The following SCAPER variants were observed in gnomAD, a reference collection of about 807,000 sequenced individuals.
SCAPER encodes S-phase cyclin A associated protein in the ER, also known as S phase cyclin A-associated protein in the endoplasmic reticulum.
Under a neutral mutation model 182.2 loss-of-function variants are expected in SCAPER, and 98 were observed. The observed-to-expected ratio is 0.54, with a 90% CI of 0.46 to 0.64. The LOEUF is 0.64. Ranked by LOEUF, SCAPER falls within the 30% of genes least tolerant of loss-of-function variation. The pLI, the probability that SCAPER is intolerant of heterozygous loss-of-function variation, is 0.00. For synonymous variants in SCAPER, 605 were observed against 564.6 expected, an observed-to-expected ratio of 1.07 and a Z score of -1.01; for missense variants, 1,432 against 1,690.0, an observed-to-expected ratio of 0.85 and a Z score of 2.68.
intron 25 of SCAPER, among the ~76,000 whole-genome samples, chr15:76,439,188 C>T: frequency 6.6e-6 from 1 of 151,962 alleles, no homozygotes; most frequent in East Asian, 1.9e-4. Flanking sequence ...CCAGTTCAAG[C>T]AATTCTCATG....
chr15:76,377,282 C>T (rs2042637397), intron 28 of SCAPER, among the ~76,000 whole-genome samples: 1 of 152,050 alleles, frequency 6.6e-6, no homozygotes, highest in Admixed American at 6.6e-5. Flanking sequence ...TTAAGAGTGC[C>T]TTTTGTCTGT....
intron 8 of SCAPER, among the ~76,000 whole-genome samples, chr15:76,789,119 AAAT>A (rs1409426530): frequency 6.6e-6 from 1 of 152,176 alleles, no homozygotes; most frequent in African/African-American, 2.4e-5. Context: ...TGAAACTGAA[AAAT>A]AATGCCTTAA....
At chr15:76,653,488 A>G (rs921979710) in intron 21 of SCAPER, among the ~76,000 whole-genome samples, 7 of 152,252 alleles carry the variant, frequency 4.6e-5, no homozygotes, top group African/African-American at 1.7e-4. Context: ...AGTAAACAAA[A>G]TAACTTGGTA....
chr15:76,429,664 A>G (rs1393123828), intron 26 of SCAPER, among the ~76,000 whole-genome samples: 1 of 152,140 alleles, frequency 6.6e-6, no homozygotes, highest in East Asian at 1.9e-4. Context: ...TCTAAGCAGC[A>G]AAGCATTCAA....
chr15:76,358,982 T>G (rs957813390), intron 29 of SCAPER, among the ~76,000 whole-genome samples: 1 of 152,202 alleles, frequency 6.6e-6, no homozygotes, highest in Admixed American at 6.5e-5. Context: ...GTCACTTAAC[T>G]AATTTGAGCC....
At chr15:76,484,906 C>T (rs1376945485) in intron 24 of SCAPER, among the ~76,000 whole-genome samples, 1 of 119,920 alleles carries the variant, frequency 8.3e-6, no homozygotes, top group Non-Finnish European at 2.1e-5. Context: ...AAACATACCC[C>T]AAAATAATAA....
intron 23 of SCAPER, among the ~76,000 whole-genome samples, chr15:76,559,434 C>T (rs899890291): frequency 5.3e-5 from 8 of 151,988 alleles, no homozygotes; most frequent in Non-Finnish European, 1.2e-4. Flanking sequence ...AATAAGGTGC[C>T]TTGCTTCCCC....
At chr15:76,446,306 C>T (rs2047992981) in intron 25 of SCAPER, among the ~76,000 whole-genome samples, 1 of 152,134 alleles carries the variant, frequency 6.6e-6, no homozygotes, top group South Asian at 2.1e-4. Context: ...TTATAAAGCA[C>T]TAAACAAGCG....
At chr15:76,781,632 C>A (rs1243654230) in intron 8 of SCAPER, among the ~76,000 whole-genome samples, 2 of 152,078 alleles carry the variant, frequency 1.3e-5, no homozygotes, top group Non-Finnish European at 2.9e-5. Flanking sequence ...TTAAGGGCAG[C>A]CAGAGAGAAA....
intron 21 of SCAPER, among the ~76,000 whole-genome samples, chr15:76,644,322 T>C (rs748700332): frequency 6.6e-6 from 1 of 152,180 alleles, no homozygotes; most frequent in Non-Finnish European, 1.5e-5. Flanking sequence ...TCATTAATCT[T>C]TTTGTTTTGG....
chr15:76,379,909 T>TGA (rs2042834862), intron 28 of SCAPER: 1 of 152,156 alleles, frequency 6.6e-6, no homozygotes, highest in Non-Finnish European at 1.5e-5. Context: ...ACCGAACAGC[T>TGA]GACTTATCCT....
intron 26 of SCAPER, among the ~76,000 whole-genome samples, chr15:76,407,069 A>C (rs761940647): frequency 9.9e-5 from 15 of 152,212 alleles, no homozygotes; most frequent in Non-Finnish European, 1.6e-4. Flanking sequence ...AGTAGAGATA[A>C]GTAGAATTGA....
chr15:76,470,913 C>A (rs866423015), intron 25 of SCAPER, among the ~76,000 whole-genome samples: 104 of 152,214 alleles, frequency 6.8e-4, no homozygotes, highest in African/African-American at 2.3e-3. Context: ...TTTGCCTTTG[C>A]ATCCAACTGA....
rs901387065 is a variant in SCAPER, at chr15:76,596,637, C to A, written c.2712-22353G>T. On this transcript the variant is annotated intron_variant, in intron 22 of 31. Transcript: ENST00000563290. ...TACCATGATCAAGTCGGCTTCATCC[C>A]TGGGATGCAAGGCTGGTTCAACATA... Among the ~76,000 whole-genome samples the A allele has an allele frequency of 1.2e-4, 15 of 121,372 alleles. 4 individuals carry two copies. The highest frequency in any genetic ancestry group is 1.1e-3 in the Admixed American group (12 of 10,630). The allele number at this position is 121,372 out of a possible 152,430, so 79.6% of individuals were successfully genotyped here.
chr15:76,683,635 A>G (rs1166663969), intron 20 of SCAPER, among the ~76,000 whole-genome samples: 1 of 152,118 alleles, frequency 6.6e-6, no homozygotes, highest in Non-Finnish European at 1.5e-5. Flanking sequence ...AATGAAAGAA[A>G]AAAAAATGTT....
chr15:76,415,615 A>G (rs186330673), intron 26 of SCAPER, among the ~76,000 whole-genome samples: 4 of 152,370 alleles, frequency 2.6e-5, no homozygotes, highest in Non-Finnish European at 5.9e-5. Context: ...TAAAAATAAC[A>G]ATTGGCAAAA....
rs192183294 is a variant in SCAPER, at chr15:76,385,932, C to A, written c.3468-4317G>T. Among the ~76,000 whole-genome samples the A allele has an allele frequency of 1.7e-4, 26 of 152,284 alleles. 1 individual carries two copies. Among genetic ancestry groups the A allele is most frequent in the African/African-American group, 5.8e-4 (24 of 41,560 alleles). On this transcript the variant is annotated intron_variant, in intron 27 of 31. Coordinates refer to ENST00000563290, the MANE Select transcript of SCAPER (RefSeq NM_020843.4). The stretch of plus-strand genomic sequence containing the variant: ...ATAAAACATTTAATATTTTACAGTT[C>A]TGAAAGCCAGAAATTCAAAACAGAT...
chr15:76,631,562 C>T (rs993390921), intron 21 of SCAPER, among the ~76,000 whole-genome samples: 15 of 152,002 alleles, frequency 9.9e-5, no homozygotes, highest in African/African-American at 2.9e-4. Context: ...TTAGTTTGGC[C>T]GGATATGAAA....
At chr15:76,721,234 G>A (rs1163086502) in intron 17 of SCAPER, among the ~76,000 whole-genome samples, 3 of 152,162 alleles carry the variant, frequency 2.0e-5, no homozygotes, top group Non-Finnish European at 2.9e-5. Context: ...TCAGGTAGTT[G>A]TAGATATGCG....
Sources: gnomAD v4.1 joint callset for allele counts (sites outside exome capture counted in the v4.1 genomes callset) on GRCh38, gnomAD v4.1.1 for gene constraint, MANE v1.5 for transcripts, NCBI Gene and HGNC (gene_info 2026-07-23, HGNC 2026-07-21) for gene names.